DDIAS: variants seen among roughly 807,000 people sequenced by gnomAD.
The protein encoded by DDIAS is DNA damage induced apoptosis suppressor, also known as DNA damage-induced apoptosis suppressor protein.
DDIAS carries 14 observed loss-of-function variants against 15.7 expected under a neutral mutation model. That is an observed-to-expected ratio of 0.89 (90% CI 0.59 to 1.39). The LOEUF is 1.39. Among genes scored for constraint, DDIAS ranks in the 40% most tolerant of loss-of-function variants. The pLI is 0.00. For synonymous variants in DDIAS, 355 were observed against 395.9 expected (o/e 0.90, Z 1.23); for missense variants, 1,035 against 1,130.9 (o/e 0.92, Z 1.22).
rs1238794511 is a variant in DDIAS, at chr11:82,932,378, C to T, written c.1040C>T (p.Pro347Leu). 1 of 1,613,828 alleles carries T rather than the reference C, an allele frequency of 6.2e-7. No homozygotes were observed. Among genetic ancestry groups the T allele is most frequent in the Non-Finnish European group, 8.5e-7 (1 of 1,179,918 alleles). Residue 347 changes from proline to leucine, a missense_variant, in exon 6 of 6, where the codon CCC becomes CTC. By Grantham distance (98) the Pro-to-Leu change is moderately conservative. Transcript: ENST00000533655. ...TTATTCTCTTTGGAAATGCGAGAGC[C>T]CCTTGAGTCAAGTAATACAAAATCC... is the stretch of plus-strand genomic sequence containing the variant. Reference protein sequence around the residue: ...SNLFSLEMREPLESSNTKSFH... With the variant: ...SNLFSLEMRELLESSNTKSFH...
intron 3 of DDIAS, among the ~76,000 whole-genome samples, chr11:82,923,059 G>A (rs1411568760): frequency 2.0e-5 from 3 of 152,108 alleles, no homozygotes; most frequent in Non-Finnish European, 2.9e-5. Flanking sequence ...TGGGTGTCTC[G>A]GCCCTGAATA....
intron 1 of DDIAS, among the ~76,000 whole-genome samples, chr11:82,906,356 G>A (rs996628113): frequency 2.6e-5 from 4 of 152,020 alleles, no homozygotes; most frequent in African/African-American, 9.7e-5. Context: ...TTACTTATTT[G>A]ATCCACTAGA....
intron 1 of DDIAS, among the ~76,000 whole-genome samples, chr11:82,907,498 G>T (rs1860455977): frequency 6.6e-6 from 1 of 152,170 alleles, no homozygotes; most frequent in South Asian, 2.1e-4. Context: ...CTACTCTGTT[G>T]TAAAAATTTT....
intron 2 of DDIAS, chr11:82,913,965 T>TTG (rs1194691374): frequency 2.3e-6 from 1 of 439,774 alleles, no homozygotes; most frequent in South Asian, 1.6e-5. Flanking sequence ...AGATGGAGTT[T>TTG]TGCTCTTGTT....
chr11:82,918,662 G>A (rs1221551240), intron 3 of DDIAS, among the ~76,000 whole-genome samples: 11 of 152,214 alleles, frequency 7.2e-5, no homozygotes, highest in African/African-American at 2.4e-4. Flanking sequence ...GCTTTTGGCA[G>A]CATGGTCATT....
intron 3 of DDIAS, among the ~76,000 whole-genome samples, chr11:82,919,112 T>C (rs1860690543): frequency 6.6e-6 from 1 of 152,196 alleles, no homozygotes; most frequent in Admixed American, 6.5e-5. Context: ...GATTGCATTG[T>C]CTAGGACTTC....
chr11:82,932,005 A>G lies in DDIAS; in HGVS notation c.667A>G (p.Thr223Ala), dbSNP rs1860999106. Residue 223 changes from threonine to alanine, a missense_variant, in exon 6 of 6, where the codon ACT becomes GCT. By Grantham distance (58) the Thr-to-Ala change is moderately conservative (BLOSUM62 0). Coordinates refer to ENST00000533655, the MANE Select transcript of DDIAS (RefSeq NM_145018.4). ...CAGCAGCATATATACTTCTGACAGC[A>G]CTTCTGATTTTTTCAAGTCCTGCAG... ...DLSSIYTSDS[T>A]SDFFKSCSKD... is the part of the protein sequence containing the mutation. 1 of 1,614,144 alleles carries G rather than the reference A, an allele frequency of 6.2e-7. No homozygotes were observed. The highest frequency in any genetic ancestry group is 8.5e-7 in the Non-Finnish European group (1 of 1,180,026).
intron 1 of DDIAS, among the ~76,000 whole-genome samples, chr11:82,904,444 A>C (rs564789107): frequency 1.3e-5 from 2 of 149,790 alleles, no homozygotes; most frequent in African/African-American, 5.1e-5. Flanking sequence ...AAAGATCACC[A>C]AATAATGGAT....
At chr11:82,919,770 C>T (rs546411007) in intron 3 of DDIAS, among the ~76,000 whole-genome samples, 13 of 152,270 alleles carry the variant, frequency 8.5e-5, no homozygotes, top group African/African-American at 2.4e-4. Context: ...CTCACTCTGT[C>T]GCCCAGGCTG....
intron 3 of DDIAS, among the ~76,000 whole-genome samples, chr11:82,924,192 G>A (rs1428971791): frequency 6.6e-6 from 1 of 152,188 alleles, no homozygotes; most frequent in Non-Finnish European, 1.5e-5. Context: ...GAAGTGATAT[G>A]TGGAAGCATT....
At chr11:82,908,703 A>G (rs1860474212) in intron 1 of DDIAS, among the ~76,000 whole-genome samples, 1 of 152,230 alleles carries the variant, frequency 6.6e-6, no homozygotes, top group African/African-American at 2.4e-5. Flanking sequence ...CAGAAGAGAG[A>G]AATAACCAAA....
intron 1 of DDIAS, among the ~76,000 whole-genome samples, chr11:82,908,180 C>T (rs1860467161): frequency 6.6e-6 from 1 of 152,074 alleles, no homozygotes; most frequent in Admixed American, 6.5e-5. Flanking sequence ...AATATCGTAG[C>T]CAAAGAGAAT....
rs531672238 is a variant in DDIAS at position 82,933,451 on chromosome 11, G to C, written c.2113G>C (p.Gly705Arg). 6.2e-6 allele frequency: 10 copies of C among 1,613,644 alleles called. No individual in the cohort carries two copies. Among genetic ancestry groups the C allele is most frequent in the Non-Finnish European group, 8.5e-6 (10 of 1,179,962 alleles). Reference sequence around the variant, plus strand: ...ATCACAGGATATTTTGTTAAAATGGGGAACATCTTTGGCAGAAAGTCACCC... The same window carrying C: ...ATCACAGGATATTTTGTTAAAATGGCGAACATCTTTGGCAGAAAGTCACCC... ...KKSQDILLKW[G>R]TSLAESHPSE... Residue 705 changes from glycine to arginine, a missense_variant, in exon 6 of 6, where the codon GGA becomes CGA. Coordinates refer to ENST00000533655, the MANE Select transcript of DDIAS (RefSeq NM_145018.4).
chr11:82,929,383 G>T (rs1236927408), intron 4 of DDIAS, among the ~76,000 whole-genome samples: 2 of 152,120 alleles, frequency 1.3e-5, no homozygotes, highest in African/African-American at 4.8e-5. Flanking sequence ...TTACGACATT[G>T]TCCTGAGAAT....
At chr11:82,906,394 T>A (rs1405539603) in intron 1 of DDIAS, among the ~76,000 whole-genome samples, 1 of 152,142 alleles carries the variant, frequency 6.6e-6, no homozygotes, top group Non-Finnish European at 1.5e-5. Context: ...ATAAAGACAA[T>A]GTAACCAACC....
intron 3 of DDIAS, 51 bp from the exon 4 acceptor site, chr11:82,928,726 A>G (rs561571827): frequency 1.3e-6 from 2 of 1,576,002 alleles, no homozygotes; most frequent in South Asian, 1.2e-5. Context: ...TTTTCATCAT[A>G]TGAAAAACAT....
Position 82,932,952 on chromosome 11 carries a change from C to T in DDIAS, c.1614C>T (p.Tyr538=), listed in dbSNP as rs1313553865. 5 of 1,612,146 alleles carry T rather than the reference C, an allele frequency of 3.1e-6. No homozygotes were observed. In the African/African-American group the frequency reaches 5.3e-5, roughly 17 times the overall value. The change falls in exon 6 of 6, where the codon TAC becomes TAT. Residue 538 remains tyrosine, a synonymous_variant. Coordinates refer to ENST00000533655, the MANE Select transcript of DDIAS (RefSeq NM_145018.4). ...CAGAATATTTTTTACCGAATCCTTA[C>T]CTGTCAGCTCTGTCTTCATCTTCAA... ...DMSEYFLPNP[Y]LSALSSSSKD... is the part of the protein sequence containing the mutation.
At chr11:82,909,981 A>G (rs1211676150) in intron 1 of DDIAS, among the ~76,000 whole-genome samples, 2 of 152,184 alleles carry the variant, frequency 1.3e-5, no homozygotes, top group African/African-American at 4.8e-5. Context: ...TCACTTTAAC[A>G]TCTCCCTTCC....
intron 4 of DDIAS, among the ~76,000 whole-genome samples, chr11:82,929,192 A>G (rs182629967): frequency 1.2e-4 from 19 of 152,370 alleles, no homozygotes; most frequent in African/African-American, 4.1e-4. Flanking sequence ...TCCAAGTTAC[A>G]GAAATAGAGG....
Sources: gnomAD v4.1 joint callset for allele counts (sites outside exome capture counted in the v4.1 genomes callset) on GRCh38, gnomAD v4.1.1 for gene constraint, MANE v1.5 for transcripts, NCBI Gene and HGNC (gene_info 2026-07-23, HGNC 2026-07-21) for gene names.